Variants in SEPTIN2 observed in about 807,000 individuals in gnomAD.
SEPTIN2 encodes septin-2.
A neutral mutation model predicts 46.5 loss-of-function variants in SEPTIN2; 34 were observed. The observed-to-expected ratio is 0.73, with a 90% confidence interval of 0.56 to 0.97. The LOEUF is 0.97. Ranked by LOEUF, SEPTIN2 falls within the 50% of genes least tolerant of loss-of-function variation. The pLI is 0.00. For missense variants in SEPTIN2, 347 were observed against 448.4 expected (o/e 0.77, Z 2.04); for synonymous variants, 175 against 153.4 (o/e 1.14, Z -1.04).
Position 241,353,766 on chromosome 2 carries a change from T to G in SEPTIN2, c.*1829T>G, listed in dbSNP as rs1259009818. ...TTTGCTAGTGACTAAGCCCCGCATA[T>G]GTGAGTGAAAGTACTTCAGGCACGC... On this transcript the variant is annotated 3_prime_UTR_variant, in exon 13 of 13. Transcript: ENST00000391971. The G allele has an allele frequency of 6.5e-6, 1 of 153,380 alleles. No individual in the cohort carries two copies. The highest frequency in any genetic ancestry group is 2.4e-5 in the African/African-American group (1 of 41,458). The allele number at this position is 153,380 out of a possible 1,614,324, so 9.5% of individuals were successfully genotyped here.
At chr2:241,337,104 AG>A (rs2080155555) in intron 5 of SEPTIN2, 2 of 287,054 alleles carry the variant, frequency 7.0e-6, no homozygotes, top group Non-Finnish European at 1.3e-5. Context: ...AAAAAAAAAA[AG>A]AACGAATTGG....
At chr2:241,332,230 A>G (rs1387796132) in intron 3 of SEPTIN2, among the ~76,000 whole-genome samples, 2 of 152,238 alleles carry the variant, frequency 1.3e-5, no homozygotes, top group East Asian at 3.8e-4. Flanking sequence ...AGACATCAAT[A>G]GGAAAATAAA....
At chr2:241,348,302 A>G in intron 11 of SEPTIN2, 111 bp downstream of exon 11, 2 of 651,264 alleles carry the variant, frequency 3.1e-6, no homozygotes, top group Non-Finnish European at 5.0e-6. Flanking sequence ...ATCTCGGCTC[A>G]CTGCAACCTC....
At chr2:241,348,979 A>G (rs2060527638) in intron 11 of SEPTIN2, among the ~76,000 whole-genome samples, 1 of 152,230 alleles carries the variant, frequency 6.6e-6, no homozygotes, top group South Asian at 2.1e-4. Context: ...AGTCACCTGA[A>G]GAAAATTTAA....
Position 241,337,827 on chromosome 2 carries a change from C to T in SEPTIN2, c.594+37C>T, listed in dbSNP as rs187199245. 305 of 1,414,894 alleles carry T rather than the reference C, an allele frequency of 2.2e-4. No individual in the cohort carries two copies. In the Admixed American group the frequency reaches 4.6e-3, roughly 21 times the overall value. The allele number at this position is 1,414,894 out of a possible 1,614,324, so 87.6% of individuals were successfully genotyped here. On this transcript the variant is annotated intron_variant, in intron 7 of 12. Transcript: ENST00000391971. ...TGGCGTCCTGCCCTCCCTCTGGGTG[C>T]GACTCGGGGGCATGGGGATGAAGAA...
chr2:241,316,605 T>C (rs778157532), intron 1 of SEPTIN2: 2 of 1,349,096 alleles, frequency 1.5e-6, no homozygotes, highest in Non-Finnish European at 2.0e-6. Context: ...GCCGCCGAGT[T>C]GGCCCGGGGA....
At chr2:241,336,449 T>C in intron 5 of SEPTIN2, 1 of 225,350 alleles carries the variant, frequency 4.4e-6, no homozygotes, top group Non-Finnish European at 8.8e-6. Context: ...TCGTAGTGTC[T>C]GTAAATGACT....
intron 6 of SEPTIN2, 48 bp from the exon 7 acceptor site, chr2:241,337,625 T>G: frequency 6.3e-7 from 1 of 1,584,266 alleles, no homozygotes; most frequent in Non-Finnish European, 8.6e-7. Flanking sequence ...GAGAAGAGTT[T>G]TGTATGTATT....
intron 3 of SEPTIN2, among the ~76,000 whole-genome samples, chr2:241,331,214 A>G (rs531518911): frequency 6.6e-6 from 1 of 152,350 alleles, no homozygotes; most frequent in African/African-American, 2.4e-5. Flanking sequence ...AAACAAGAGT[A>G]TTAATAATTT....
rs574523829 is a variant in SEPTIN2, at chr2:241,316,393, C to T, written c.-18+411C>T. ...CTTAGAGCTTGTGTGGCCATCTTGT[C>T]TTTCTAACGGTGCCATTTCCTCCCT... On this transcript the variant is annotated intron_variant, in intron 1 of 12. Transcript: ENST00000391971. The T allele has an allele frequency of 1.4e-5, 15 of 1,047,978 alleles. 1 individual carries two copies. The highest frequency in any genetic ancestry group is 1.4e-4 in the South Asian group (8 of 58,148). The allele number at this position is 1,047,978 out of a possible 1,614,324, so 64.9% of individuals were successfully genotyped here. A position where few individuals can be genotyped will look rare whatever the true frequency, so the allele number is the denominator to read the frequency against.
intron 3 of SEPTIN2, among the ~76,000 whole-genome samples, chr2:241,333,773 G>T (rs1289725990): frequency 6.6e-6 from 1 of 152,230 alleles, no homozygotes. Flanking sequence ...AAAGTGCTGG[G>T]ATTACAGGCG....
At position 241,336,113 on chromosome 2, in the gene SEPTIN2, G is replaced by A. The variant is rs1192068019; in HGVS notation, c.341+15G>A. On this transcript the variant is annotated intron_variant, in intron 5 of 12. Transcript: ENST00000391971. ...TGCAGAGATTGGTATGCTCCCCCAT[G>A]CCCAGGGATCTGCATTTGTTTACTT... 1.2e-6 allele frequency: 2 copies of A among 1,612,144 alleles called. No individual in the cohort carries two copies. The highest frequency in any genetic ancestry group is 3.3e-5 in the Admixed American group (2 of 59,766).
In SEPTIN2 at chr2:241,332,751, TG is replaced by T. The variant is rs139895371; in HGVS notation, c.131-2374del. 7.2e-3 allele frequency among the ~76,000 whole-genome samples: 1,094 copies of T among 152,306 alleles called. 32 individuals are homozygous for T. The South Asian group carries it at 0.074, about 10-fold the overall frequency. ...GTATCTAGAGAGTGGATTAACAAAT[TG>T]TGGTGTAGCCATACAATGGAATATT... On this transcript the variant is annotated intron_variant, in intron 3 of 12. Coordinates refer to ENST00000391971, the MANE Select transcript of SEPTIN2 (RefSeq NM_004404.5).
chr2:241,329,098 G>T (rs570033348), intron 3 of SEPTIN2, among the ~76,000 whole-genome samples: 3 of 147,290 alleles, frequency 2.0e-5, no homozygotes, highest in South Asian at 4.2e-4. Flanking sequence ...TAAATCTTTT[G>T]TTGTTGTTGT....
At chr2:241,347,888 G>T (rs899895896) in intron 10 of SEPTIN2, among the ~76,000 whole-genome samples, 3 of 152,096 alleles carry the variant, frequency 2.0e-5, no homozygotes, top group Non-Finnish European at 4.4e-5. Flanking sequence ...GGTAGCACGT[G>T]CCTGTAATGC....
At position 241,337,712 on chromosome 2, in the gene SEPTIN2, C is replaced by T. The variant is rs1225278120; in HGVS notation, c.516C>T (p.His172=). 5 of 1,613,974 alleles carry T rather than the reference C, an allele frequency of 3.1e-6. No homozygotes were observed. In the South Asian group the frequency reaches 5.5e-5, roughly 18 times the overall value. The part of the protein sequence containing the change: ...PLDVAFMKAI[H]NKVNIVPVIA... ...ATGTGGCGTTTATGAAGGCAATACA[C>T]AACAAGGTGAATATTGTGCCTGTCA... Residue 172 remains histidine, a synonymous_variant, in exon 7 of 13, where the codon CAC becomes CAT. Transcript: ENST00000391971.
chr2:241,350,169 G>A lies in SEPTIN2; in HGVS notation c.1081G>A (p.Val361Met), dbSNP rs149773653. The change falls in exon 12 of 13, where the codon GTG becomes ATG. Residue 361 changes from valine to methionine, a missense_variant. Physicochemically the swap from Val to Met is conservative, Grantham distance 21. Transcript: ENST00000391971. ...CGATGGCGGGGCTCTCGGGCACCAC[G>A]TGTAAGGTGATGTGCACATATCAAG... ...DGDGGALGHH[V>M] The A allele has an allele frequency of 3.4e-3, 5,414 of 1,611,532 alleles. 11 individuals carry two copies. Among genetic ancestry groups the A allele is most frequent in the Non-Finnish European group, 4.2e-3 (5,008 of 1,178,586 alleles).
rs141453958 is a variant in SEPTIN2 at position 241,342,314 on chromosome 2, C to G, written c.595-678C>G. Among the ~76,000 whole-genome samples the G allele has an allele frequency of 3.5e-3, 525 of 151,458 alleles. 2 individuals are homozygous for G. The highest frequency in any genetic ancestry group is 0.031 in the Middle Eastern group (9 of 294). On this transcript the variant is annotated intron_variant, in intron 7 of 12. Coordinates refer to ENST00000391971, the MANE Select transcript of SEPTIN2 (RefSeq NM_004404.5). ...TCTGCTTTTAAGACTCCTGCCTGTT[C>G]TCCAGGGTCTTCTCATGCCTGTAGC...
rs753092078 is a variant in SEPTIN2 at position 241,336,051 on chromosome 2, A to C, written c.294A>C (p.Thr98=). The change falls in exon 5 of 13, where the codon ACA becomes ACC. Residue 98 remains threonine, a synonymous_variant. Coordinates refer to ENST00000391971, the MANE Select transcript of SEPTIN2 (RefSeq NM_004404.5). ...AGCGAGGGGTCAAGCTACGCCTGAC[A>C]GTGGTAGATACCCCTGGCTATGGTG... ...IEERGVKLRL[T]VVDTPGYGDA... 3.9e-5 allele frequency: 63 copies of C among 1,614,120 alleles called. No individual in the cohort carries two copies. In the Admixed American group the frequency reaches 1.0e-3, roughly 27 times the overall value.
Sources: gnomAD v4.1 joint callset for allele counts (sites outside exome capture counted in the v4.1 genomes callset) on GRCh38, gnomAD v4.1.1 for gene constraint, MANE v1.5 for transcripts, NCBI Gene and HGNC (gene_info 2026-07-23, HGNC 2026-07-21) for gene names.